Variants in NKAP observed in about 807,000 individuals in gnomAD.
NKAP encodes the protein NF-kappa-B-activating protein.
NKAP carries 4 observed loss-of-function variants against 35.6 expected under a neutral mutation model. The observed-to-expected ratio is 0.11, with a 90% CI of 0.06 to 0.26. The LOEUF (loss-of-function observed/expected upper bound fraction) is 0.26, where lower values mean the gene tolerates loss of function less well. Among genes scored for constraint, NKAP ranks in the 10% least tolerant of loss-of-function variants. NKAP has a pLI of 1.00. For synonymous variants in NKAP, 106 were observed against 119.2 expected, an observed-to-expected ratio of 0.89 and a Z score of 0.72; for missense variants, 238 against 321.9, an observed-to-expected ratio of 0.74 and a Z score of 1.99.
chrX:119,933,393 T>C (rs1393778529), intron 5 of NKAP, among the ~76,000 whole-genome samples: 2 of 111,574 alleles, frequency 1.8e-5, no homozygotes, highest in African/African-American at 3.3e-5. Context: ...GCTGTTAATA[T>C]GACAAAAAGT....
At chrX:119,937,043 T>C (rs1380011645) in intron 2 of NKAP, 7 of 120,911 alleles carry the variant, frequency 5.8e-5, no homozygotes, top group Non-Finnish European at 8.4e-5. Flanking sequence ...ACAGGAACCA[T>C]AGGAAAGATT....
chrX:119,942,953 T>G, intron 1 of NKAP: 1 of 347,697 alleles, frequency 2.9e-6, no homozygotes, highest in Non-Finnish European at 5.0e-6. Flanking sequence ...TTCTGGTAGG[T>G]CTGAACTCTC....
chrX:119,927,353 T>C (rs1393046728), intron 8 of NKAP, among the ~76,000 whole-genome samples: 1 of 108,913 alleles, frequency 9.2e-6, no homozygotes, highest in East Asian at 2.9e-4. Context: ...TTTTATTTTA[T>C]TTTTTTTTGA....
In NKAP at chrX:119,943,245, C is replaced by T; in HGVS notation, c.361G>A (p.Glu121Lys). 1.7e-6 allele frequency: 2 copies of T among 1,197,057 alleles called. No individual in the cohort carries two copies. Among genetic ancestry groups the T allele is most frequent in the Non-Finnish European group, 2.3e-6 (2 of 886,828 alleles). Residue 121 changes from glutamate to lysine, a missense_variant, in exon 1 of 9, where the codon GAG becomes AAG. Physicochemically the swap from Glu to Lys is moderately conservative, Grantham distance 56. Transcript: ENST00000371410. The part of the protein sequence containing the change: ...DKPWPSLLDK[E>K]REESLRQKRL... ...TTCTGCCGCAGGCTCTCCTCCCTCTCCTTGTCGAGGAGGCTAGGCCAAGGC... is the reference window on the plus strand; with the variant it reads ...TTCTGCCGCAGGCTCTCCTCCCTCTTCTTGTCGAGGAGGCTAGGCCAAGGC...
chrX:119,936,150 C>T, intron 4 of NKAP, 147 bp downstream of exon 4: 1 of 543,473 alleles, frequency 1.8e-6, no homozygotes, highest in South Asian at 3.3e-5. Context: ...ATATAAAGCA[C>T]TTATTGGGGT....
At chrX:119,925,667 T>G (rs1320517715) in intron 8 of NKAP, among the ~76,000 whole-genome samples, 1 of 109,759 alleles carries the variant, frequency 9.1e-6, no homozygotes, top group Admixed American at 9.8e-5. Flanking sequence ...GCTCAAGCAA[T>G]TCCCCCATCT....
chrX:119,931,231 C>T (rs1264364446), intron 7 of NKAP, among the ~76,000 whole-genome samples: 3 of 110,728 alleles, frequency 2.7e-5, no homozygotes, highest in African/African-American at 6.6e-5. Flanking sequence ...AGACCAGGTG[C>T]GGTGGCTCAC....
chrX:119,938,054 T>C (rs746857531), intron 2 of NKAP: 1 of 112,184 alleles, frequency 8.9e-6, no homozygotes, highest in East Asian at 2.8e-4. Context: ...TATAGGAATA[T>C]TAACAAAACC....
intron 7 of NKAP, among the ~76,000 whole-genome samples, chrX:119,931,120 C>A (rs1240062396): frequency 1.8e-5 from 2 of 109,603 alleles, no homozygotes; most frequent in Non-Finnish European, 3.8e-5. Context: ...CCAGCCTGGG[C>A]AACAGAGTGA....
chrX:119,935,243 C>A (rs1249995071), intron 4 of NKAP, among the ~76,000 whole-genome samples: 1 of 111,411 alleles, frequency 9.0e-6, no homozygotes, highest in African/African-American at 3.3e-5. Context: ...TAAAGTAGTT[C>A]TTTGATTACA....
rs146287046 is a variant in NKAP, at chrX:119,931,313, C to T, written c.923+623G>A. On this transcript the variant is annotated intron_variant, in intron 7 of 8. Coordinates refer to ENST00000371410, the MANE Select transcript of NKAP (RefSeq NM_024528.4). ...GGTCAGGAATTTGAGACCAGCCTGA[C>T]CAACATGGTAAAACCGTATCTCTAC... Among the ~76,000 whole-genome samples the T allele has an allele frequency of 9.3e-3, 1,035 of 110,929 alleles. 7 individuals carry two copies. Among genetic ancestry groups the T allele is most frequent in the Non-Finnish European group, 0.016 (822 of 52,814 alleles).
chrX:119,943,384 T>C lies in NKAP; in HGVS notation c.222A>G (p.Ser74=), dbSNP rs1440142591. Residue 74 remains serine (S), a synonymous_variant, in exon 1 of 9, where the codon TCA becomes TCG. Transcript: ENST00000371410. ...SQGSRNQSYR[S]RSRSRSRERP... ...GCTCTCTAGAACGCGACCGCGAGCG[T>C]GAGCGGTAGGACTGGTTTCGGGAGC... The C allele has an allele frequency of 2.5e-6, 3 of 1,211,547 alleles. No individual in the cohort carries two copies. The South Asian group carries it at 5.3e-5, about 21-fold the overall frequency.
At chrX:119,943,050 T>C (rs2239964) in intron 1 of NKAP, 170 bp downstream of exon 1, 173,835 of 619,675 alleles carry the variant, frequency 0.28, 18,333 homozygotes, top group Middle Eastern at 0.36. Flanking sequence ...TAAGGGAAAA[T>C]GAAAAGGACG....
Position 119,921,842 on chromosome X carries a change from T to A in NKAP, c.*3378A>T, listed in dbSNP as rs1284106327. ...AAAATGTCCTTAGAGAATACATTTT[T>A]ATTTGTTTGTTTATTTAGAGACGGA... is the stretch of plus-strand genomic sequence containing the variant. On this transcript the variant is annotated 3_prime_UTR_variant, in exon 9 of 9. Coordinates refer to ENST00000371410, the MANE Select transcript of NKAP (RefSeq NM_024528.4). The A allele has an allele frequency of 9.0e-6, 1 of 111,136 alleles. No individual in the cohort carries two copies. The highest frequency in any genetic ancestry group is 1.9e-5 in the Non-Finnish European group (1 of 53,050). 9.2% of individuals were successfully genotyped at this position (111,136 alleles called of 1,213,427 possible).
In NKAP at chrX:119,943,439, A is replaced by T; in HGVS notation, c.167T>A (p.Leu56His). The change falls in exon 1 of 9, where the codon CTC becomes CAC. Residue 56 changes from leucine to histidine, a missense_variant. Transcript: ENST00000371410. ...GCTGAGGCCACCCAGCTGATGGGTG[A>T]GTCCATTCCGGTCCCCGGACCGAGA... ...SCSRSGDRNG[L>H]THQLGGLSQG... 8.3e-7 allele frequency: 1 copy of T among 1,210,705 alleles called. No homozygotes were observed. The highest frequency in any genetic ancestry group is 1.1e-6 in the Non-Finnish European group (1 of 894,675).
chrX:119,930,262 T>A (rs1222720051), intron 7 of NKAP, 97 bp from the exon 8 acceptor site: 1 of 878,500 alleles, frequency 1.1e-6, no homozygotes, highest in African/African-American at 2.1e-5. Context: ...CCACATTTTC[T>A]CTCAAACAAG....
intron 1 of NKAP, among the ~76,000 whole-genome samples, chrX:119,940,961 G>A (rs1281521429): frequency 9.1e-6 from 1 of 110,083 alleles, no homozygotes; most frequent in Non-Finnish European, 1.9e-5. Context: ...CCAACATGGC[G>A]AAACCCCGTC....
chrX:119,943,157 T>G, intron 1 of NKAP, 63 bp downstream of exon 1: 2 of 1,125,042 alleles, frequency 1.8e-6, no homozygotes, highest in South Asian at 4.3e-5. Context: ...GCGGAATGAA[T>G]GATAGATCGG....
chrX:119,931,815 TC>T, intron 7 of NKAP, 120 bp downstream of exon 7: 1 of 571,255 alleles, frequency 1.8e-6, no homozygotes, highest in Non-Finnish European at 2.9e-6. Flanking sequence ...TATTTAGTAG[TC>T]CAGCTCAGCT....
Sources: gnomAD v4.1 joint callset for allele counts (sites outside exome capture counted in the v4.1 genomes callset) on GRCh38, gnomAD v4.1.1 for gene constraint, MANE v1.5 for transcripts, NCBI Gene and HGNC (gene_info 2026-07-23, HGNC 2026-07-21) for gene names.